FAM135B: variants seen among roughly 807,000 people sequenced by gnomAD.
FAM135B encodes family with sequence similarity 135 member B, also known as protein FAM135B.
FAM135B carries 43 observed loss-of-function variants against 127.7 expected under a neutral mutation model. The observed-to-expected ratio is 0.34, with a 90% CI of 0.26 to 0.43. The LOEUF is 0.43. FAM135B is among the 20% of genes least tolerant of loss of function. FAM135B has a pLI of 1.00. For missense variants in FAM135B, 1,558 were observed against 1,725.6 expected (o/e 0.90, Z 1.72); for synonymous variants, 670 against 665.1 (o/e 1.01, Z -0.11).
chr8:138,199,675 A>G (rs1220408402), intron 7 of FAM135B, among the ~76,000 whole-genome samples: 1 of 152,206 alleles, frequency 6.6e-6, no homozygotes, highest in African/African-American at 2.4e-5. Flanking sequence ...ATAGCTGGGG[A>G]GGCCTCAGGA....
chr8:138,411,242 C>A (rs919207017), intron 1 of FAM135B, among the ~76,000 whole-genome samples: 2 of 151,856 alleles, frequency 1.3e-5, no homozygotes, highest in African/African-American at 2.4e-5. Flanking sequence ...TCAAACTATA[C>A]TACAAGGCTA....
intron 5 of FAM135B, among the ~76,000 whole-genome samples, chr8:138,254,902 T>A (rs773262678): frequency 4.6e-5 from 7 of 152,140 alleles, no homozygotes; most frequent in Non-Finnish European, 8.8e-5. Context: ...TAGACATCCA[T>A]CTTTGGTTCA....
intron 3 of FAM135B, 88 bp from the exon 4 acceptor site, chr8:138,265,930 G>A (rs755100351): frequency 1.6e-5 from 23 of 1,397,524 alleles, no homozygotes; most frequent in Non-Finnish European, 2.2e-5. Flanking sequence ...GCTCAAGTAG[G>A]CTAATGGCCC....
chr8:138,474,957 T>C (rs1018420334), intron 1 of FAM135B, among the ~76,000 whole-genome samples: 4 of 152,196 alleles, frequency 2.6e-5, no homozygotes, highest in African/African-American at 7.2e-5. Context: ...TGTCAGCCTC[T>C]TGCAGGATGC....
At chr8:138,181,119 T>C (rs1814989792) in intron 9 of FAM135B, among the ~76,000 whole-genome samples, 2 of 151,774 alleles carry the variant, frequency 1.3e-5, no homozygotes, top group African/African-American at 2.4e-5. Context: ...CAGGTGCCTA[T>C]AGTCCCAGCT....
rs146779475 is a variant in FAM135B, at chr8:138,297,522, C to T, written c.157+13319G>A. 1.8e-4 allele frequency among the ~76,000 whole-genome samples: 27 copies of T among 152,300 alleles called. 1 individual carries two copies. The highest frequency in any genetic ancestry group is 5.3e-4 in the African/African-American group (22 of 41,568). ...ATTTCATTCATTGCATTTTTTAAAA[C>T]ATGTAACATATTTAAGAAAAGCAAC... On this transcript the variant is annotated intron_variant, in intron 3 of 19. Coordinates refer to ENST00000395297, the MANE Select transcript of FAM135B (RefSeq NM_015912.4).
chr8:138,214,786 T>G (rs1168988400), intron 7 of FAM135B, among the ~76,000 whole-genome samples: 3 of 152,262 alleles, frequency 2.0e-5, no homozygotes, highest in South Asian at 4.1e-4. Flanking sequence ...TAAAGCAGTA[T>G]GAAGGTCTCT....
At chr8:138,250,091 G>A (rs1010666767) in intron 6 of FAM135B, among the ~76,000 whole-genome samples, 10 of 152,122 alleles carry the variant, frequency 6.6e-5, no homozygotes, top group African/African-American at 2.2e-4. Flanking sequence ...GGTGGCTCAC[G>A]CCTGTAATCC....
At chr8:138,202,986 G>A (rs1817265429) in intron 7 of FAM135B, among the ~76,000 whole-genome samples, 1 of 152,158 alleles carries the variant, frequency 6.6e-6, no homozygotes, top group Non-Finnish European at 1.5e-5. Context: ...TTTAACATAG[G>A]AAGTGCCAGT....
chr8:138,494,181 C>T (rs1021249054), intron 1 of FAM135B, among the ~76,000 whole-genome samples: 1 of 152,220 alleles, frequency 6.6e-6, no homozygotes, highest in African/African-American at 2.4e-5. Context: ...CACAACAAGC[C>T]ATGGAGCATC....
intron 7 of FAM135B, among the ~76,000 whole-genome samples, chr8:138,214,502 A>C (rs1818396736): frequency 6.6e-6 from 1 of 152,190 alleles, no homozygotes; most frequent in Non-Finnish European, 1.5e-5. Flanking sequence ...ACACAGACTA[A>C]TGATTTTAGG....
rs2130768397 is a variant in FAM135B, at chr8:138,152,407, T to C, written c.2068A>G (p.Ser690Gly). The C allele has an allele frequency of 6.2e-7, 1 of 1,614,198 alleles. No individual in the cohort carries two copies. Among genetic ancestry groups the C allele is most frequent in the Non-Finnish European group, 8.5e-7 (1 of 1,180,034 alleles). Residue 690 changes from serine (S) to glycine (G), a missense_variant, in exon 13 of 20, where the codon AGT becomes GGT. By Grantham distance (56) the Ser-to-Gly change is moderately conservative (BLOSUM62 0). This residue lies in a region of FAM135B where 923 missense variants were observed against 865.3 expected (regional missense o/e 1.07). Transcript: ENST00000395297. The part of the protein sequence containing the change: ...SSIISDSGIE[S>G]EPSSVAWSEA... ...GACCAGGCGACGGAGCTTGGCTCACTCTCAATGCCTGAATCAGATATGATG... is the reference window on the plus strand; with the variant it reads ...GACCAGGCGACGGAGCTTGGCTCACCCTCAATGCCTGAATCAGATATGATG...
At chr8:138,421,544 C>G (rs1587411694) in intron 1 of FAM135B, among the ~76,000 whole-genome samples, 1 of 151,688 alleles carries the variant, frequency 6.6e-6, no homozygotes, top group Non-Finnish European at 1.5e-5. Flanking sequence ...ACAATAGTCA[C>G]AAATATAATA....
At chr8:138,222,676 GTGTTTTTT>G (rs1205449065) in intron 7 of FAM135B, among the ~76,000 whole-genome samples, 17 of 115,652 alleles carry the variant, frequency 1.5e-4, no homozygotes, top group Non-Finnish European at 2.7e-4. Context: ...TTTGTTGGTG[GTGTTTTTT>G]TTTTTTTTTT....
rs2130632214 is a variant in FAM135B, at chr8:138,265,822, C to T, written c.178G>A (p.Ala60Thr). The part of the protein sequence containing the change: ...GQTESSSLHS[A>T]CVHDSTVHSR... ...TGCACGGTGCTGTCATGGACACAGG[C>T]TGAATGCAGGCTGCTGCTCTCTGCA... Residue 60 changes from alanine to threonine, a missense_variant, in exon 4 of 20, where the codon GCC becomes ACC. Ala to Thr is a moderately conservative substitution (Grantham distance 58). This residue lies in a region of FAM135B where 199 missense variants were observed against 245.7 expected (regional missense o/e 0.81). Transcript: ENST00000395297. 1 of 1,613,848 alleles carries T rather than the reference C, an allele frequency of 6.2e-7. No individual in the cohort carries two copies. The highest frequency in any genetic ancestry group is 8.5e-7 in the Non-Finnish European group (1 of 1,179,964).
chr8:138,142,745 T>C (rs1232664102), intron 16 of FAM135B: 3 of 350,468 alleles, frequency 8.6e-6, no homozygotes, highest in African/African-American at 6.2e-5. Context: ...AGAACAAGAA[T>C]TCAAACCTAG....
At chr8:138,193,675 C>T (rs1030854623) in intron 9 of FAM135B, among the ~76,000 whole-genome samples, 12 of 152,194 alleles carry the variant, frequency 7.9e-5, no homozygotes, top group African/African-American at 2.2e-4. Context: ...GGGATGGAGC[C>T]TGAGGCAGCC....
intron 1 of FAM135B, among the ~76,000 whole-genome samples, chr8:138,395,687 A>G (rs1488781131): frequency 6.6e-6 from 1 of 152,220 alleles, no homozygotes; most frequent in Admixed American, 6.5e-5. Context: ...TGCAAAGGTA[A>G]AAGAGGATTG....
intron 1 of FAM135B, among the ~76,000 whole-genome samples, chr8:138,404,157 AAAAT>A (rs1372671531): frequency 2.0e-5 from 3 of 152,194 alleles, no homozygotes; most frequent in South Asian, 2.1e-4. Flanking sequence ...CTACTTAAAT[AAAAT>A]AAATAAATAA....
Sources: allele counts gnomAD v4.1 joint callset (sites outside exome capture counted in the v4.1 genomes callset), GRCh38; gene constraint gnomAD v4.1.1; regional missense constraint gnomAD v4.1.1; transcripts MANE v1.5; gene names NCBI Gene and HGNC (gene_info 2026-07-23, HGNC 2026-07-21).